The following DNAH7 variants were observed in gnomAD, a reference collection of about 807,000 sequenced individuals.
The protein encoded by DNAH7 is dynein axonemal heavy chain 7.
Under a neutral mutation model 444.6 loss-of-function variants are expected in DNAH7, and 397 were observed. The ratio of observed to expected loss-of-function variants is 0.89; its 90% CI spans 0.82 to 0.97. The LOEUF is 0.97. Among genes scored for constraint, DNAH7 ranks in the 50% least tolerant of loss-of-function variants. DNAH7 has a pLI of 0.00. For synonymous variants in DNAH7, 1,636 were observed against 1,624.4 expected, an observed-to-expected ratio of 1.01 and a Z score of -0.17; for missense variants, 4,902 against 4,800.8, an observed-to-expected ratio of 1.02 and a Z score of -0.62.
chr2:195,928,010 C>T (rs1256698303), intron 21 of DNAH7, among the ~76,000 whole-genome samples: 1 of 152,170 alleles, frequency 6.6e-6, no homozygotes, highest in African/African-American at 2.4e-5. Context: ...GTTACATGGG[C>T]ATATTGCACC....
intron 45 of DNAH7, among the ~76,000 whole-genome samples, chr2:195,853,729 A>G (rs1428204059): frequency 2.0e-5 from 3 of 152,214 alleles, no homozygotes; most frequent in African/African-American, 7.2e-5. Flanking sequence ...CATGAAATTA[A>G]TAATGAATGA....
At chr2:196,001,590 C>G in intron 11 of DNAH7, 85 bp downstream of exon 11, 1 of 1,263,556 alleles carries the variant, frequency 7.9e-7, no homozygotes, top group Non-Finnish European at 1.1e-6. Flanking sequence ...TGCCCTCTCA[C>G]TGATAGAGAT....
At chr2:195,836,462 A>C (rs1698377394) in intron 47 of DNAH7, among the ~76,000 whole-genome samples, 1 of 151,206 alleles carries the variant, frequency 6.6e-6, no homozygotes, top group Admixed American at 6.6e-5. Flanking sequence ...GTGTCACTGT[A>C]CTCCAGCCTG....
chr2:195,800,924 T>C (rs1194595392), intron 54 of DNAH7, among the ~76,000 whole-genome samples: 1 of 152,232 alleles, frequency 6.6e-6, no homozygotes, highest in East Asian at 1.9e-4. Context: ...TTTTTTCAAA[T>C]CTGTACTCCC....
intron 5 of DNAH7, among the ~76,000 whole-genome samples, chr2:196,035,156 T>G (rs1265417379): frequency 2.6e-5 from 4 of 152,058 alleles, no homozygotes; most frequent in Non-Finnish European, 5.9e-5. Context: ...CACTCCAGCC[T>G]GGGTGACAGA....
intron 21 of DNAH7, among the ~76,000 whole-genome samples, chr2:195,931,895 T>C (rs1011247684): frequency 3.3e-5 from 5 of 152,216 alleles, no homozygotes; most frequent in Non-Finnish European, 7.3e-5. Flanking sequence ...AGGATTGACT[T>C]GGCAATGTGG....
intron 63 of DNAH7, among the ~76,000 whole-genome samples, chr2:195,742,101 T>C (rs1693077787): frequency 6.6e-6 from 1 of 152,136 alleles, no homozygotes; most frequent in Non-Finnish European, 1.5e-5. Flanking sequence ...AGTGTATAAC[T>C]CTGGTAAAGC....
At chr2:196,059,459 T>A (rs984958828) in intron 1 of DNAH7, among the ~76,000 whole-genome samples, 21 of 152,266 alleles carry the variant, frequency 1.4e-4, no homozygotes, top group African/African-American at 5.1e-4. Flanking sequence ...TCCTTTGGGA[T>A]ATGTCACAGG....
chr2:196,055,914 C>A (rs985674840), intron 2 of DNAH7, among the ~76,000 whole-genome samples: 4 of 152,228 alleles, frequency 2.6e-5, no homozygotes, highest in African/African-American at 9.6e-5. Context: ...GTCTCACCAT[C>A]ACTCTAGGTG....
chr2:195,877,284 G>A lies in DNAH7; in HGVS notation c.5962-585C>T, dbSNP rs557889805. Among the ~76,000 whole-genome samples the A allele has an allele frequency of 2.6e-5, 4 of 152,216 alleles. No homozygotes were observed. In the South Asian group the frequency reaches 8.3e-4, roughly 32 times the overall value. On this transcript the variant is annotated intron_variant, in intron 36 of 64. Coordinates refer to ENST00000312428, the MANE Select transcript of DNAH7 (RefSeq NM_018897.3). ...TTCCCTCCCTCAAGAGTTCTGTATA[G>A]GGCACAATCCCTTGCCACTTAAGGA... is the stretch of plus-strand genomic sequence containing the variant.
intron 3 of DNAH7, among the ~76,000 whole-genome samples, chr2:196,049,974 A>AT: frequency 6.6e-6 from 1 of 152,334 alleles, no homozygotes; most frequent in African/African-American, 2.4e-5. Flanking sequence ...TTCTGCAGGC[A>AT]TTTTACAATA....
chr2:195,819,209 C>A (rs1459449379), intron 49 of DNAH7, among the ~76,000 whole-genome samples: 1 of 152,008 alleles, frequency 6.6e-6, no homozygotes, highest in Non-Finnish European at 1.5e-5. Flanking sequence ...CTACCCAAAT[C>A]ACTACCCCAA....
intron 55 of DNAH7, among the ~76,000 whole-genome samples, 199 bp from the exon 56 acceptor site, chr2:195,796,936 G>A (rs548145764): frequency 2.3e-4 from 35 of 152,262 alleles, no homozygotes; most frequent in Middle Eastern, 3.4e-3. Flanking sequence ...GTCAATTCAC[G>A]TAGGAAATAG....
intron 5 of DNAH7, among the ~76,000 whole-genome samples, chr2:196,034,706 T>C (rs1019810044): frequency 3.3e-5 from 5 of 152,124 alleles, no homozygotes; most frequent in African/African-American, 9.7e-5. Flanking sequence ...GGAACAGAAA[T>C]AGCCCCTCGT....
At chr2:195,835,511 A>T (rs185429322) in intron 47 of DNAH7, among the ~76,000 whole-genome samples, 60 of 152,282 alleles carry the variant, frequency 3.9e-4, no homozygotes, top group Admixed American at 3.5e-3. Flanking sequence ...AAATAAAAAA[A>T]ACCATATTTT....
At chr2:195,897,635 T>A in intron 29 of DNAH7, 32 bp downstream of exon 29, 1 of 1,246,742 alleles carries the variant, frequency 8.0e-7, no homozygotes, top group Admixed American at 2.0e-5. Context: ...ATTATAAGAG[T>A]TTTGATGCAT....
At chr2:195,838,918 A>T (rs572644503) in intron 47 of DNAH7, among the ~76,000 whole-genome samples, 1 of 152,052 alleles carries the variant, frequency 6.6e-6, no homozygotes, top group East Asian at 1.9e-4. Flanking sequence ...CTCTAACAAC[A>T]GAGCTCCAAA....
Position 195,922,086 on chromosome 2 carries a change from A to G in DNAH7, c.3935+2T>C. 6.5e-7 allele frequency: 1 copy of G among 1,538,326 alleles called. No homozygotes were observed. ...AATAGATCCTTAAATTAAAGGGTTT[A>G]CCTGTAACATCTATCCGTGAGTGGT... On this transcript the variant is annotated splice_donor_variant, in intron 24 of 64. Transcript: ENST00000312428. LOFTEE classifies it high-confidence loss of function.
intron 10 of DNAH7, among the ~76,000 whole-genome samples, chr2:196,002,648 A>T (rs1478069790): frequency 6.6e-6 from 1 of 152,216 alleles, no homozygotes; most frequent in Non-Finnish European, 1.5e-5. Flanking sequence ...ATATTTATTC[A>T]TCCCTTTAAC....
Sources: allele counts gnomAD v4.1 joint callset (sites outside exome capture counted in the v4.1 genomes callset), GRCh38; gene constraint gnomAD v4.1.1; transcripts MANE v1.5; gene names NCBI Gene and HGNC (gene_info 2026-07-23, HGNC 2026-07-21).